Variants in RBM4B observed in about 807,000 individuals in gnomAD.
RBM4B encodes the protein RNA binding motif protein 4B, also known as RNA-binding protein 4B.
Under a neutral mutation model 28.5 loss-of-function variants are expected in RBM4B, and 13 were observed. The observed-to-expected ratio is 0.46, with a 90% confidence interval of 0.30 to 0.72. The LOEUF is 0.72. Ranked by LOEUF, RBM4B falls within the 30% of genes least tolerant of loss-of-function variation. RBM4B has a pLI of 0.09. For missense variants in RBM4B, 387 were observed against 477.6 expected, an observed-to-expected ratio of 0.81 and a Z score of 1.77; for synonymous variants, 167 against 179.1, an observed-to-expected ratio of 0.93 and a Z score of 0.54.
rs1401870903 is a variant in RBM4B, at chr11:66,669,096, A to G, written c.608T>C (p.Met203Thr). The G allele has an allele frequency of 1.9e-6, 3 of 1,614,166 alleles. No individual in the cohort carries two copies. Among genetic ancestry groups the G allele is most frequent in the Non-Finnish European group, 2.5e-6 (3 of 1,180,034 alleles). The change falls in exon 3 of 4, where the codon ATG (methionine) becomes ACG (threonine). Residue 203 changes from methionine (M) to threonine (T), a missense_variant. Coordinates refer to ENST00000310046, the MANE Select transcript of RBM4B (RefSeq NM_031492.4). ...QYGAVRTPYT[M>T]GYGESMYYND... The stretch of plus-strand genomic sequence containing the variant: ...GTAATACATGGATTCCCCGTAGCCC[A>G]TGGTGTAAGGTGTTCGAACTGCTCC...
At chr11:66,677,470 G>A (rs1590890311) in intron 1 of RBM4B, 2 of 221,044 alleles carry the variant, frequency 9.0e-6, no homozygotes, top group East Asian at 1.1e-4. Flanking sequence ...CCTCTCCTGC[G>A]CGCACTAGCG....
intron 2 of RBM4B, among the ~76,000 whole-genome samples, chr11:66,672,125 A>G (rs570900325): frequency 7.9e-4 from 120 of 152,052 alleles, no homozygotes; most frequent in Non-Finnish European, 1.9e-4. Flanking sequence ...AGTTTCTCCA[A>G]GCTGGGTGTG....
At chr11:66,671,195 A>G (rs895247060) in intron 2 of RBM4B, among the ~76,000 whole-genome samples, 4 of 152,180 alleles carry the variant, frequency 2.6e-5, no homozygotes, top group Non-Finnish European at 2.9e-5. Context: ...ACTATCACCA[A>G]TAGAGTCAGC....
intron 2 of RBM4B, among the ~76,000 whole-genome samples, chr11:66,671,207 G>A (rs1274215000): frequency 6.6e-6 from 1 of 152,178 alleles, no homozygotes; most frequent in African/African-American, 2.4e-5. Flanking sequence ...AGAGTCAGCA[G>A]ATACCCAAAA....
rs1483367506 is a variant in RBM4B, at chr11:66,665,780, T to C, written c.*10-202A>G. 7 of 1,350,844 alleles carry C rather than the reference T, an allele frequency of 5.2e-6. 1 individual carries two copies. The highest frequency in any genetic ancestry group is 3.6e-4 in the Middle Eastern group (2 of 5,504). 83.7% of individuals were successfully genotyped at this position (1,350,844 alleles called of 1,614,324 possible). A position where few individuals can be genotyped will look rare whatever the true frequency, so the allele number is the denominator to read the frequency against. On this transcript the variant is annotated intron_variant, in intron 3 of 3. Coordinates refer to ENST00000310046, the MANE Select transcript of RBM4B (RefSeq NM_031492.4). Reference sequence around the variant, plus strand: ...CTATATATAGGAATCCACTTATGGCTATATATATAGGACAAGATGCAATCT... The same window carrying C: ...CTATATATAGGAATCCACTTATGGCCATATATATAGGACAAGATGCAATCT...
At chr11:66,671,021 C>G in intron 2 of RBM4B, 1 of 702,622 alleles carries the variant, frequency 1.4e-6, no homozygotes, top group Non-Finnish European at 2.6e-6. Flanking sequence ...GCAGCCAGAA[C>G]AGTGCCATGC....
chr11:66,676,636 C>T (rs753235237), intron 2 of RBM4B, 32 bp downstream of exon 2: 1 of 1,607,416 alleles, frequency 6.2e-7, no homozygotes, highest in Admixed American at 1.7e-5. Flanking sequence ...AGACCCCACT[C>T]GGCGCTACTA....
At chr11:66,677,172 C>T (rs1939665629) in intron 1 of RBM4B, 81 bp from the exon 2 acceptor site, 1 of 1,513,124 alleles carries the variant, frequency 6.6e-7, no homozygotes, top group South Asian at 1.3e-5. Flanking sequence ...GTCTAATCCT[C>T]CAAAGTTCTT....
At chr11:66,675,024 T>C (rs912481752) in intron 2 of RBM4B, among the ~76,000 whole-genome samples, 1 of 152,216 alleles carries the variant, frequency 6.6e-6, no homozygotes, top group Non-Finnish European at 1.5e-5. Context: ...TCATGATGAT[T>C]TCCCCCATCA....
intron 2 of RBM4B, chr11:66,670,921 CTCTCTT>C: frequency 1.4e-6 from 1 of 702,580 alleles, no homozygotes; most frequent in South Asian, 1.5e-5. Context: ...GCAAGTTGCT[CTCTCTT>C]TAACAGACCT....
chr11:66,675,656 A>G (rs1939611497), intron 2 of RBM4B: 1 of 152,234 alleles, frequency 6.6e-6, no homozygotes, highest in African/African-American at 2.4e-5. Context: ...AGGAACCACA[A>G]AAGTGGCTAT....
chr11:66,666,102 C>G (rs1388418382), intron 3 of RBM4B: 2 of 841,194 alleles, frequency 2.4e-6, no homozygotes, highest in Non-Finnish European at 3.6e-6. Context: ...TTCCAACACA[C>G]CTACATGTCA....
At chr11:66,668,553 A>G (rs1486688388) in intron 3 of RBM4B, 62 bp downstream of exon 3, 62 of 1,390,160 alleles carry the variant, frequency 4.5e-5, no homozygotes, top group Non-Finnish European at 5.9e-5. Context: ...ACTTTTATGA[A>G]GCATGGGTCT....
At chr11:66,675,617 G>A (rs1939610455) in intron 2 of RBM4B, 1 of 152,198 alleles carries the variant, frequency 6.6e-6, no homozygotes, top group African/African-American at 2.4e-5. Flanking sequence ...CCCCTTTAAT[G>A]ACACTCAGGG....
rs1424777828 is a variant in RBM4B at position 66,676,447 on chromosome 11, G to T, written c.412+221C>A. On this transcript the variant is annotated intron_variant, in intron 2 of 3. Coordinates refer to ENST00000310046, the MANE Select transcript of RBM4B (RefSeq NM_031492.4). ...CGCAGGGTAAAGTAACCCACAGTTTGTGATTCTATGCAGTCGGTGAGCAAC... is the reference window on the plus strand; with the variant it reads ...CGCAGGGTAAAGTAACCCACAGTTTTTGATTCTATGCAGTCGGTGAGCAAC... 4 of 611,028 alleles carry T rather than the reference G, an allele frequency of 6.5e-6. No homozygotes were observed. In the East Asian group the frequency reaches 8.3e-5, roughly 13 times the overall value. 37.9% of individuals were successfully genotyped at this position (611,028 alleles called of 1,614,324 possible).
chr11:66,676,514 G>T (rs1476581617), intron 2 of RBM4B, 154 bp downstream of exon 2: 16 of 897,970 alleles, frequency 1.8e-5, no homozygotes, highest in African/African-American at 3.4e-5. Flanking sequence ...GCTTCCCCAG[G>T]GGTAAATTAT....
intron 3 of RBM4B, chr11:66,668,088 C>T (rs1308031665): frequency 6.4e-6 from 1 of 156,478 alleles, no homozygotes; most frequent in African/African-American, 2.4e-5. Context: ...AACCCCTGAA[C>T]CTGTACCCTT....
At chr11:66,670,148 C>T (rs559406322) in intron 2 of RBM4B, among the ~76,000 whole-genome samples, 56 of 152,236 alleles carry the variant, frequency 3.7e-4, no homozygotes, top group Middle Eastern at 3.4e-3. Context: ...GGTACACAAA[C>T]CATACCTGGC....
Position 66,669,149 on chromosome 11 carries a change from G to GTC in RBM4B, c.553_554dup (p.Asp185GlufsTer49). On this transcript the variant is annotated frameshift_variant, in exon 3 of 4. Coordinates refer to ENST00000310046, the MANE Select transcript of RBM4B (RefSeq NM_031492.4). LOFTEE classifies it high-confidence loss of function. The stretch of plus-strand genomic sequence containing the variant: ...ATTGTTCATTATACTGCTCAGTAAA[G>GTC]TCTGCCACACGACCCGTACGATCTA... 1 of 1,614,148 alleles carries GTC rather than the reference G, an allele frequency of 6.2e-7. No homozygotes were observed. The highest frequency in any genetic ancestry group is 8.5e-7 in the Non-Finnish European group (1 of 1,180,040).
Sources: allele counts gnomAD v4.1 joint callset (sites outside exome capture counted in the v4.1 genomes callset), GRCh38; gene constraint gnomAD v4.1.1; transcripts MANE v1.5; gene names NCBI Gene and HGNC (gene_info 2026-07-23, HGNC 2026-07-21).